The following CCDC178 variants were observed in gnomAD, a reference collection of about 807,000 sequenced individuals.
The protein encoded by CCDC178 is coiled-coil domain containing 178.
Under a neutral mutation model 117.4 loss-of-function variants are expected in CCDC178, and 126 were observed. The observed-to-expected ratio is 1.07, with a 90% CI of 0.93 to 1.24. CCDC178 has a LOEUF of 1.24. Ranked by LOEUF, CCDC178 falls within the 50% of genes most tolerant of loss-of-function variation. CCDC178 has a pLI of 0.00. For synonymous variants in CCDC178, 283 were observed against 313.4 expected (o/e 0.90, Z 1.02); for missense variants, 1,030 against 986.9 (o/e 1.04, Z -0.59).
chr18:33,314,720 G>A (rs2062393802), intron 11 of CCDC178, among the ~76,000 whole-genome samples: 2 of 152,124 alleles, frequency 1.3e-5, no homozygotes, highest in African/African-American at 4.8e-5. Flanking sequence ...ACCTGCAGAT[G>A]GGGGAGACCA....
Position 33,248,611 on chromosome 18 carries a change from G to A in CCDC178, c.1410-3183C>T, listed in dbSNP as rs183905710. Among the ~76,000 whole-genome samples, 8 of 151,968 alleles carry A rather than the reference G, an allele frequency of 5.3e-5. No homozygotes were observed. In the South Asian group the frequency reaches 8.3e-4, roughly 16 times the overall value. On this transcript the variant is annotated intron_variant, in intron 14 of 22. Transcript: ENST00000383096. ...GGACATAAACTCATCCTTTTTTATGGCTGCATAGTATTCCATGGTGTATAT... is the reference window on the plus strand; with the variant it reads ...GGACATAAACTCATCCTTTTTTATGACTGCATAGTATTCCATGGTGTATAT...
chr18:32,965,643 A>G (rs909123049), intron 22 of CCDC178, among the ~76,000 whole-genome samples: 2 of 151,786 alleles, frequency 1.3e-5, no homozygotes, highest in East Asian at 3.9e-4. Context: ...GTGTATCTTT[A>G]GTATAAAATA....
At chr18:33,403,219 T>C (rs1239006684) in intron 3 of CCDC178, among the ~76,000 whole-genome samples, 1 of 152,082 alleles carries the variant, frequency 6.6e-6, no homozygotes, top group Non-Finnish European at 1.5e-5. Flanking sequence ...AACATGCACA[T>C]AAAGATGCTC....
At chr18:33,040,544 A>C (rs906367056) in intron 21 of CCDC178, among the ~76,000 whole-genome samples, 1 of 152,018 alleles carries the variant, frequency 6.6e-6, no homozygotes, top group African/African-American at 2.4e-5. Flanking sequence ...ATAGGTCCAG[A>C]ATGGTCATCT....
At chr18:33,150,146 C>A (rs1195644001) in intron 20 of CCDC178, among the ~76,000 whole-genome samples, 3 of 151,974 alleles carry the variant, frequency 2.0e-5, no homozygotes, top group Admixed American at 2.0e-4. Flanking sequence ...GGATAGGACA[C>A]CCTAGTCTAT....
chr18:33,125,158 A>G (rs1176267765), intron 20 of CCDC178, among the ~76,000 whole-genome samples: 1 of 152,128 alleles, frequency 6.6e-6, no homozygotes, highest in Non-Finnish European at 1.5e-5. Context: ...CTACCTTTGT[A>G]ATCTTCAGAC....
At chr18:33,348,780 A>G in intron 8 of CCDC178, 110 bp downstream of exon 8, 1 of 706,138 alleles carries the variant, frequency 1.4e-6, no homozygotes, top group Non-Finnish European at 2.4e-6. Flanking sequence ...AACATTCATA[A>G]TAATTATAAA....
intron 21 of CCDC178, among the ~76,000 whole-genome samples, chr18:33,082,079 T>C (rs940373352): frequency 6.6e-6 from 1 of 152,172 alleles, no homozygotes; most frequent in Non-Finnish European, 1.5e-5. Context: ...AGGAAAAAAT[T>C]TAACTTGTGA....
At position 33,285,362 on chromosome 18, in the gene CCDC178, A is replaced by C. The variant is rs189212558; in HGVS notation, c.1176+7797T>G. On this transcript the variant is annotated intron_variant, in intron 12 of 22. Transcript: ENST00000383096. ...TGAAAAAGAAAATAATAATTCAAAC[A>C]ATGGAAAAAAATCACCAAGGTGTTC... Among the ~76,000 whole-genome samples the C allele has an allele frequency of 4.3e-4, 65 of 152,262 alleles. 2 individuals carry two copies. The highest frequency in any genetic ancestry group is 8.8e-5 in the Non-Finnish European group (6 of 67,994).
chr18:33,385,769 C>A (rs2063485061), intron 5 of CCDC178, among the ~76,000 whole-genome samples: 1 of 151,958 alleles, frequency 6.6e-6, no homozygotes, highest in Non-Finnish European at 1.5e-5. Context: ...GATCTCAAAT[C>A]AACACCCTAA....
intron 2 of CCDC178, among the ~76,000 whole-genome samples, chr18:33,433,354 A>G (rs2064246347): frequency 6.6e-6 from 1 of 152,336 alleles, no homozygotes; most frequent in South Asian, 2.1e-4. Context: ...TCTAGTTCAT[A>G]TGAGCTACCA....
chr18:33,208,851 AG>A (rs113319752), intron 20 of CCDC178, among the ~76,000 whole-genome samples: 7,793 of 152,086 alleles, frequency 0.051, 307 homozygotes, highest in East Asian at 0.12. Flanking sequence ...CAGAATAAAA[AG>A]CAATTAACTC....
At chr18:33,112,702 A>G (rs530532861) in intron 20 of CCDC178, among the ~76,000 whole-genome samples, 1 of 152,002 alleles carries the variant, frequency 6.6e-6, no homozygotes, top group Non-Finnish European at 1.5e-5. Context: ...TGTCAGGTTC[A>G]TCATATGAAT....
intron 3 of CCDC178, among the ~76,000 whole-genome samples, chr18:33,401,055 G>A (rs1172257743): frequency 1.3e-5 from 2 of 152,084 alleles, no homozygotes; most frequent in Non-Finnish European, 2.9e-5. Flanking sequence ...ACAGACAGTG[G>A]AACAGTAAGA....
At chr18:33,275,159 C>CT (rs906705992) in intron 12 of CCDC178, among the ~76,000 whole-genome samples, 2 of 151,856 alleles carry the variant, frequency 1.3e-5, no homozygotes, top group African/African-American at 2.4e-5. Flanking sequence ...TTAATGTAAC[C>CT]TTTTTTTACC....
At chr18:33,289,184 T>G (rs2060137293) in intron 12 of CCDC178, among the ~76,000 whole-genome samples, 1 of 152,322 alleles carries the variant, frequency 6.6e-6, no homozygotes, top group South Asian at 2.1e-4. Flanking sequence ...GTCATTCTCA[T>G]ATGAATTTAG....
intron 3 of CCDC178, among the ~76,000 whole-genome samples, chr18:33,397,413 G>A (rs149492211): frequency 2.0e-5 from 3 of 152,214 alleles, no homozygotes; most frequent in Admixed American, 2.0e-4. Context: ...GCATTTGATA[G>A]AAAACACTGC....
At chr18:33,175,878 CA>C in intron 20 of CCDC178, among the ~76,000 whole-genome samples, 1 of 152,146 alleles carries the variant, frequency 6.6e-6, no homozygotes, top group Non-Finnish European at 1.5e-5. Flanking sequence ...GCCTTCCATC[CA>C]AAAATGTCTA....
At chr18:33,097,866 T>C (rs963258829) in intron 20 of CCDC178, among the ~76,000 whole-genome samples, 3 of 152,084 alleles carry the variant, frequency 2.0e-5, no homozygotes, top group Non-Finnish European at 2.9e-5. Context: ...TACATAAATA[T>C]GGGCATATTG....
Sources: gnomAD v4.1 joint callset for allele counts (sites outside exome capture counted in the v4.1 genomes callset) on GRCh38, gnomAD v4.1.1 for gene constraint, MANE v1.5 for transcripts, NCBI Gene and HGNC (gene_info 2026-07-23, HGNC 2026-07-21) for gene names.